Variants in WDR47 observed in about 807,000 individuals in gnomAD.
WDR47 encodes the protein WD repeat domain 47.
A neutral mutation model predicts 97.2 loss-of-function variants in WDR47; 32 were observed. That is an observed-to-expected ratio of 0.33 (90% CI 0.25 to 0.44). WDR47 has a LOEUF of 0.44. Ranked by LOEUF, WDR47 falls within the 20% of genes least tolerant of loss-of-function variation. The pLI, the probability that WDR47 is intolerant of heterozygous loss-of-function variation, is 1.00. For synonymous variants in WDR47, 375 were observed against 373.5 expected, an observed-to-expected ratio of 1.00 and a Z score of -0.05; for missense variants, 782 against 1,102.3, an observed-to-expected ratio of 0.71 and a Z score of 4.11.
intron 1 of WDR47, among the ~76,000 whole-genome samples, chr1:109,034,801 T>C (rs1003534991): frequency 1.3e-5 from 2 of 152,148 alleles, no homozygotes; most frequent in African/African-American, 2.4e-5. Context: ...ACTGTTGCTA[T>C]AGAATACTAA....
chr1:108,984,829 G>A (rs936963718), intron 10 of WDR47, among the ~76,000 whole-genome samples: 8 of 152,174 alleles, frequency 5.3e-5, no homozygotes, highest in Non-Finnish European at 7.3e-5. Flanking sequence ...AGTGAGCTGA[G>A]GTCGTGCCAG....
chr1:109,024,355 A>C (rs1662058210), intron 1 of WDR47, among the ~76,000 whole-genome samples: 3 of 152,066 alleles, frequency 2.0e-5, no homozygotes, highest in Admixed American at 2.0e-4. Flanking sequence ...CTGGAGGCTG[A>C]GGTGGGAGGA....
Position 108,995,785 on chromosome 1 carries a change from C to T in WDR47, c.1486G>A (p.Glu496Lys). ...LNIGMDGLGNEVSALNQQCNG... is the reference protein window; with the variant it reads ...LNIGMDGLGNKVSALNQQCNG... ...CATTGCTGGTTGAGTGCTGATACCT[C>T]ATTACCAAGGCCATCCATTCCAATA... Residue 496 changes from glutamate (E) to lysine (K), a missense_variant, in exon 8 of 15, where the codon GAG becomes AAG. By Grantham distance (56) the Glu-to-Lys change is moderately conservative. Around this residue, in one of 3 missense-constraint regions of WDR47, gnomAD observed 126 missense variants for 121.3 expected, o/e 1.04. Coordinates refer to ENST00000369962, the MANE Select transcript of WDR47 (RefSeq NM_001142551.2). 6.2e-7 allele frequency: 1 copy of T among 1,614,088 alleles called. No homozygotes were observed. The highest frequency in any genetic ancestry group is 8.5e-7 in the Non-Finnish European group (1 of 1,180,004).
intron 5 of WDR47, among the ~76,000 whole-genome samples, chr1:109,009,591 GATTA>G (rs1660881980): frequency 6.6e-6 from 1 of 152,270 alleles, no homozygotes; most frequent in East Asian, 1.9e-4. Context: ...ATATATTTAT[GATTA>G]ATCATTGATA....
chr1:109,005,209 C>A (rs1235219207), intron 5 of WDR47, among the ~76,000 whole-genome samples: 1 of 151,952 alleles, frequency 6.6e-6, no homozygotes, highest in Admixed American at 6.6e-5. Context: ...CAAGACCAAC[C>A]TGGGTAACAT....
intron 10 of WDR47, among the ~76,000 whole-genome samples, chr1:108,984,486 A>C (rs839878): frequency 0.19 from 29,264 of 152,152 alleles, 2,893 homozygotes; most frequent in African/African-American, 0.23. Flanking sequence ...GCATTTCAGC[A>C]TACTAGTCTA....
chr1:108,984,129 A>C (rs1228948390), intron 10 of WDR47, among the ~76,000 whole-genome samples: 1 of 152,198 alleles, frequency 6.6e-6, no homozygotes, highest in Admixed American at 6.5e-5. Flanking sequence ...TGAGGTATTT[A>C]GTAGAGTGAG....
intron 1 of WDR47, among the ~76,000 whole-genome samples, chr1:109,034,798 C>T (rs1662820291): frequency 6.6e-6 from 1 of 152,092 alleles, no homozygotes; most frequent in Admixed American, 6.6e-5. Context: ...AGGACTGTTG[C>T]TATAGAATAC....
chr1:109,022,050 G>A lies in WDR47; in HGVS notation c.158+1305C>T, dbSNP rs190082395. On this transcript the variant is annotated intron_variant, in intron 2 of 14. Coordinates refer to ENST00000369962, the MANE Select transcript of WDR47 (RefSeq NM_001142551.2). ...TTTAGTAGAGACGGGGTTTCACTACGTTGGCCAGTCTGGTCTCAAACTCCT... is the reference window on the plus strand; with the variant it reads ...TTTAGTAGAGACGGGGTTTCACTACATTGGCCAGTCTGGTCTCAAACTCCT... 4.1e-4 allele frequency among the ~76,000 whole-genome samples: 62 copies of A among 152,054 alleles called. No homozygotes were observed. The South Asian group carries it at 5.0e-3, about 12-fold the overall frequency.
intron 1 of WDR47, among the ~76,000 whole-genome samples, chr1:109,039,059 A>G (rs1190453142): frequency 1.3e-5 from 2 of 152,172 alleles, no homozygotes; most frequent in African/African-American, 4.8e-5. Flanking sequence ...AACATACTAT[A>G]TGAAGAAACT....
Position 109,006,396 on chromosome 1 carries a change from A to AAACAAAAGACTGAGGAGTTT in WDR47, c.1131-1701_1131-1682dup, listed in dbSNP as rs1660626693. 2.0e-5 allele frequency among the ~76,000 whole-genome samples: 3 copies of AAACAAAAGACTGAGGAGTTT among 152,304 alleles called. No individual in the cohort carries two copies. The South Asian group carries it at 6.2e-4, about 32-fold the overall frequency. On this transcript the variant is annotated intron_variant, in intron 5 of 14. Coordinates refer to ENST00000369962, the MANE Select transcript of WDR47 (RefSeq NM_001142551.2). ...CAATAAGAGCTAGACTCCGTTTCAA[A>AAACAAAAGACTGAGGAGTTT]AACAAAAGACTGAGGAGTTTTTTGG... is the stretch of plus-strand genomic sequence containing the variant.
At chr1:109,023,147 G>A (rs2101997821) in intron 2 of WDR47, among the ~76,000 whole-genome samples, 1 of 151,972 alleles carries the variant, frequency 6.6e-6, no homozygotes, top group African/African-American at 2.4e-5. Context: ...AGCTTGCAGT[G>A]AGCCGACATC....
chr1:108,970,999 A>AC lies in WDR47; in HGVS notation c.*430dup, dbSNP rs1311092551. 6.4e-6 allele frequency: 1 copy of AC among 155,192 alleles called. No homozygotes were observed. Among genetic ancestry groups the AC allele is most frequent in the Non-Finnish European group, 1.4e-5 (1 of 69,848 alleles). The allele number at this position is 155,192 out of a possible 1,614,324, so 9.6% of individuals were successfully genotyped here. A position where few individuals can be genotyped will look rare whatever the true frequency, so the allele number is the denominator to read the frequency against. ...GAGAAGAGCAAAAGTAATTCTGAAC[A>AC]CCTGGGAAGTTTAATCTGGGAGGAA... On this transcript the variant is annotated 3_prime_UTR_variant, in exon 15 of 15. Coordinates refer to ENST00000369962, the MANE Select transcript of WDR47 (RefSeq NM_001142551.2).
At position 108,983,461 on chromosome 1, in the gene WDR47, A is replaced by G; in HGVS notation, c.1926-10T>C. ...AGGAGTCTCATGTGCACTGAAAAGA[A>G]AAATTACAGAAATATATTTCAATTT... On this transcript the variant is annotated splice_polypyrimidine_tract_variant and intron_variant, in intron 10 of 14. Coordinates refer to ENST00000369962, the MANE Select transcript of WDR47 (RefSeq NM_001142551.2). 6.5e-7 allele frequency: 1 copy of G among 1,533,766 alleles called. No individual in the cohort carries two copies. The highest frequency in any genetic ancestry group is 8.8e-7 in the Non-Finnish European group (1 of 1,138,632).
At chr1:108,986,988 C>A in intron 9 of WDR47, 1 of 234,362 alleles carries the variant, frequency 4.3e-6, no homozygotes. Flanking sequence ...CTCTGGGACA[C>A]CAGGTAATAT....
chr1:108,974,437 T>C (rs548525197), intron 14 of WDR47, 99 bp downstream of exon 14: 105 of 878,270 alleles, frequency 1.2e-4, no homozygotes, highest in Non-Finnish European at 1.6e-4. Flanking sequence ...TATAAAATAA[T>C]TGAAAGTATT....
intron 1 of WDR47, chr1:109,030,122 CAAG>C (rs1175187128): frequency 5.1e-6 from 6 of 1,166,934 alleles, no homozygotes; most frequent in Non-Finnish European, 7.2e-6. Context: ...AGAAGAAACA[CAAG>C]AAGAAACGCC....
chr1:109,000,022 A>G (rs1449244861), intron 7 of WDR47, among the ~76,000 whole-genome samples: 3 of 152,218 alleles, frequency 2.0e-5, no homozygotes, highest in Non-Finnish European at 4.4e-5. Context: ...TCAGAGGCCT[A>G]TTTAGACTCT....
chr1:109,029,879 A>G (rs1196790828), intron 1 of WDR47, among the ~76,000 whole-genome samples: 1 of 150,578 alleles, frequency 6.6e-6, no homozygotes, highest in Non-Finnish European at 1.5e-5. Context: ...TCGTCTCAAA[A>G]AAAAAAAAAG....
Sources: allele counts gnomAD v4.1 joint callset (sites outside exome capture counted in the v4.1 genomes callset), GRCh38; gene constraint gnomAD v4.1.1; regional missense constraint gnomAD v4.1.1; transcripts MANE v1.5; gene names NCBI Gene and HGNC (gene_info 2026-07-23, HGNC 2026-07-21).